The following LEPR variants were observed in gnomAD, a reference collection of about 807,000 sequenced individuals.
The protein encoded by LEPR is OB receptor.
A neutral mutation model predicts 114.7 loss-of-function variants in LEPR; 56 were observed. The ratio of observed to expected loss-of-function variants is 0.49; its 90% CI spans 0.39 to 0.61. The LOEUF is 0.61. Among genes scored for constraint, LEPR ranks in the 20% least tolerant of loss-of-function variants. The pLI, the probability that LEPR is intolerant of heterozygous loss-of-function variation, is 0.00. For missense variants in LEPR, 1,202 were observed against 1,352.9 expected, an observed-to-expected ratio of 0.89 and a Z score of 1.75; for synonymous variants, 443 against 461.4, an observed-to-expected ratio of 0.96 and a Z score of 0.51.
At chr1:65,526,897 G>C (rs1355411322) in intron 2 of LEPR, among the ~76,000 whole-genome samples, 1 of 152,010 alleles carries the variant, frequency 6.6e-6, no homozygotes, top group Non-Finnish European at 1.5e-5. Flanking sequence ...TATTAATCTT[G>C]GCACTAGTTT....
rs1658609552 is a variant in LEPR, at chr1:65,633,618, C to T, written c.2674-2573C>T. The T allele has an allele frequency of 1.0e-6, 1 of 981,974 alleles. No individual in the cohort carries two copies. The highest frequency in any genetic ancestry group is 6.1e-5 in the Admixed American group (1 of 16,426). 60.8% of individuals were successfully genotyped at this position (981,974 alleles called of 1,614,324 possible). A position where few individuals can be genotyped will look rare whatever the true frequency, so the allele number is the denominator to read the frequency against. ...AATACAATGATTATAAGTATGGAAT[C>T]AGTGAAAATATTTAGTTTGTATTTT... is the stretch of plus-strand genomic sequence containing the variant. On this transcript the variant is annotated intron_variant, in intron 19 of 19. Coordinates refer to ENST00000349533, the MANE Select transcript of LEPR (RefSeq NM_002303.6). This position sits in a 1 kb window ranked among gnomAD's most constrained non-coding sequence, Gnocchi z 4.1.
At chr1:65,464,429 G>C (rs9436307) in intron 2 of LEPR, among the ~76,000 whole-genome samples, 3,355 of 152,268 alleles carry the variant, frequency 0.022, 144 homozygotes, top group African/African-American at 0.077. Flanking sequence ...CAGTTTGCCA[G>C]TATTTTATTG....
chr1:65,458,785 CT>C (rs963145671), intron 2 of LEPR, among the ~76,000 whole-genome samples: 1 of 152,102 alleles, frequency 6.6e-6, no homozygotes, highest in East Asian at 1.9e-4. Context: ...TTTTCTGTTC[CT>C]TTTTTTCTCC....
intron 2 of LEPR, among the ~76,000 whole-genome samples, chr1:65,523,469 C>A (rs1376934426): frequency 6.6e-6 from 1 of 152,036 alleles, no homozygotes; most frequent in Non-Finnish European, 1.5e-5. Flanking sequence ...CACCACCACA[C>A]CCAGCTAATT....
intron 2 of LEPR, chr1:65,435,096 G>C: frequency 2.0e-6 from 2 of 985,414 alleles, no homozygotes; most frequent in Non-Finnish European, 2.4e-6. Context: ...CTTATAGAAG[G>C]ATAGCAATAT....
At chr1:65,470,287 G>A (rs1046878440) in intron 2 of LEPR, among the ~76,000 whole-genome samples, 1 of 152,142 alleles carries the variant, frequency 6.6e-6, no homozygotes, top group Non-Finnish European at 1.5e-5. Context: ...ATCATTTCTA[G>A]GATTTATGGT....
At position 65,598,708 on chromosome 1, in the gene LEPR, C is replaced by T. The variant is rs372005711; in HGVS notation, c.898C>T (p.Pro300Ser). Residue 300 changes from proline (P) to serine (S), a missense_variant, in exon 8 of 20, where the codon CCT (proline) becomes TCT (serine). By Grantham distance (74) the Pro-to-Ser change is moderately conservative (BLOSUM62 -1). Coordinates refer to ENST00000349533, the MANE Select transcript of LEPR (RefSeq NM_002303.6). Reference protein sequence around the residue: ...ATSLLVDSILPGSSYEVQVRG... With the variant: ...ATSLLVDSILSGSSYEVQVRG... ...ATCCCTGCTAGTAGACAGTATACTT[C>T]CTGGGTCTTCGTATGAGGTTCAGGT... The T allele has an allele frequency of 1.2e-6, 2 of 1,613,522 alleles. No individual in the cohort carries two copies. The highest frequency in any genetic ancestry group is 2.7e-5 in the African/African-American group (2 of 75,008).
chr1:65,573,992 C>T (rs2100820359), intron 5 of LEPR, among the ~76,000 whole-genome samples: 1 of 152,188 alleles, frequency 6.6e-6, no homozygotes, highest in Admixed American at 6.5e-5. Context: ...GATCACTGTC[C>T]TTTAGGTGCT....
chr1:65,625,996 C>T, intron 19 of LEPR: 6 of 772,350 alleles, frequency 7.8e-6, no homozygotes, highest in Non-Finnish European at 1.3e-5. Context: ...AGCATTTAAG[C>T]TCTGAAATCT....
intron 2 of LEPR, among the ~76,000 whole-genome samples, chr1:65,500,016 T>C (rs531915392): frequency 6.6e-6 from 1 of 152,070 alleles, no homozygotes; most frequent in Admixed American, 6.6e-5. Flanking sequence ...TGGGGTTGGA[T>C]TTCCTGCATG....
At chr1:65,525,161 G>A (rs780714436) in intron 2 of LEPR, among the ~76,000 whole-genome samples, 1 of 152,144 alleles carries the variant, frequency 6.6e-6, no homozygotes, top group African/African-American at 2.4e-5. Flanking sequence ...GGAAACTCAT[G>A]ACCTCACTAG....
chr1:65,634,251 A>T (rs1437760823), intron 19 of LEPR: 8 of 973,950 alleles, frequency 8.2e-6, no homozygotes, highest in Non-Finnish European at 9.8e-6. Context: ...TTATATTTAG[A>T]TTTAACTCGT....
At chr1:65,531,918 T>C (rs758425075) in intron 2 of LEPR, among the ~76,000 whole-genome samples, 6 of 152,210 alleles carry the variant, frequency 3.9e-5, no homozygotes, top group Non-Finnish European at 7.3e-5. Flanking sequence ...AATTACGGGC[T>C]AGCAGGACTT....
intron 2 of LEPR, among the ~76,000 whole-genome samples, chr1:65,473,636 C>T (rs1257038681): frequency 2.0e-5 from 3 of 152,146 alleles, no homozygotes; most frequent in Admixed American, 6.5e-5. Flanking sequence ...AGATTCGGGG[C>T]ATTTTATCTA....
intron 2 of LEPR, among the ~76,000 whole-genome samples, chr1:65,521,479 G>C (rs1649634492): frequency 6.6e-6 from 1 of 152,160 alleles, no homozygotes; most frequent in African/African-American, 2.4e-5. Flanking sequence ...TATGTAATTG[G>C]GGACTGCAGC....
In LEPR at chr1:65,431,714, G is replaced by T; in HGVS notation, c.-21+6336G>T. On this transcript the variant is annotated intron_variant, in intron 2 of 19. Coordinates refer to ENST00000349533, the MANE Select transcript of LEPR (RefSeq NM_002303.6). ...TAGCAGCTTTGTGTAACATTTCATT[G>T]GATGTTTCTAATGCAGAAAATAATA... The T allele has an allele frequency of 3.0e-6, 4 of 1,336,024 alleles. No homozygotes were observed. The East Asian group carries it at 7.0e-5, about 23-fold the overall frequency. 82.8% of individuals were successfully genotyped at this position (1,336,024 alleles called of 1,614,324 possible). A position where few individuals can be genotyped will look rare whatever the true frequency, so the allele number is the denominator to read the frequency against.
Position 65,601,474 on chromosome 1 carries a change from G to A in LEPR, c.1077G>A (p.Lys359=). The A allele has an allele frequency of 6.2e-7, 1 of 1,613,666 alleles. No homozygotes were observed. The highest frequency in any genetic ancestry group is 1.1e-5 in the South Asian group (1 of 91,066). Residue 359 remains lysine, a synonymous_variant, in exon 9 of 20, where the codon AAG becomes AAA. Transcript: ENST00000349533. ...SFHCIYKKEN[K]IVPSKEIVWW... ...ACTGCATCTATAAGAAGGAAAACAA[G>A]ATTGTTCCCTCAAAAGAGATTGTTT...
At chr1:65,422,633 G>T (rs1489208215) in intron 1 of LEPR, among the ~76,000 whole-genome samples, 4 of 152,262 alleles carry the variant, frequency 2.6e-5, no homozygotes, top group Non-Finnish European at 4.4e-5. Flanking sequence ...GGCTTCCCTT[G>T]GCAAGGCATG....
rs559630311 is a variant in LEPR at position 65,636,481 on chromosome 1, G to A, written c.2964G>A (p.Thr988=). 1.4e-5 allele frequency: 23 copies of A among 1,614,020 alleles called. No homozygotes were observed. Among genetic ancestry groups the A allele is most frequent in the African/African-American group, 5.3e-5 (4 of 75,034 alleles). The change falls in exon 20 of 20, where the codon ACG becomes ACA. Residue 988 remains threonine, a synonymous_variant. Transcript: ENST00000349533. The part of the protein sequence containing the change: ...SQRQPFVKYA[T]LISNSKPSET... ...GACAACCCTTTGTTAAATACGCCACGCTGATCAGCAACTCTAAACCAAGTG... is the reference window on the plus strand; with the variant it reads ...GACAACCCTTTGTTAAATACGCCACACTGATCAGCAACTCTAAACCAAGTG...
Sources: allele counts gnomAD v4.1 joint callset (sites outside exome capture counted in the v4.1 genomes callset), GRCh38; gene constraint gnomAD v4.1.1; non-coding constraint Gnocchi (gnomAD v3.1); transcripts MANE v1.5; gene names NCBI Gene and HGNC (gene_info 2026-07-23, HGNC 2026-07-21).